The following PDE11A variants were observed in gnomAD, a reference collection of about 807,000 sequenced individuals.
PDE11A encodes the protein dual 3',5'-cyclic-AMP and -GMP phosphodiesterase 11A.
A neutral mutation model predicts 100.5 loss-of-function variants in PDE11A; 100 were observed. The ratio of observed to expected loss-of-function variants is 1.00; its 90% CI spans 0.85 to 1.18. The LOEUF (loss-of-function observed/expected upper bound fraction) is 1.18. PDE11A is among the 50% of genes most tolerant of loss of function. The pLI is 0.00. For synonymous variants in PDE11A, 381 were observed against 420.8 expected (o/e 0.91, Z 1.16); for missense variants, 1,141 against 1,152.6 (o/e 0.99, Z 0.15).
chr2:178,082,554 C>G (rs182421492), intron 2 of PDE11A, among the ~76,000 whole-genome samples: 1 of 152,092 alleles, frequency 6.6e-6, no homozygotes, highest in Non-Finnish European at 1.5e-5. Context: ...GCAAAGGGAA[C>G]AGGAATTTAT....
chr2:178,054,045 A>G (rs924158930), intron 1 of PDE11A, among the ~76,000 whole-genome samples: 1 of 152,218 alleles, frequency 6.6e-6, no homozygotes, highest in Non-Finnish European at 1.5e-5. Flanking sequence ...AAGAGCCCGC[A>G]TCGCCAAGTC....
chr2:177,791,425 AT>A, intron 9 of PDE11A, among the ~76,000 whole-genome samples: 2 of 149,588 alleles, frequency 1.3e-5, no homozygotes, highest in Non-Finnish European at 3.0e-5. Context: ...ATTAGGAGAT[AT>A]ACCTAATGTT....
At chr2:177,918,263 G>A (rs770436157) in intron 2 of PDE11A, among the ~76,000 whole-genome samples, 11 of 152,186 alleles carry the variant, frequency 7.2e-5, no homozygotes, top group Admixed American at 1.3e-4. Context: ...TAAGATGCTA[G>A]CTTCAAAGCC....
intron 2 of PDE11A, among the ~76,000 whole-genome samples, chr2:178,007,276 C>T (rs2086223496): frequency 6.6e-6 from 1 of 152,252 alleles, no homozygotes; most frequent in South Asian, 2.1e-4. Context: ...CCTTCTAAAG[C>T]TATTACTGAA....
intron 9 of PDE11A, among the ~76,000 whole-genome samples, chr2:177,794,073 G>A (rs1228436945): frequency 6.6e-6 from 1 of 152,078 alleles, no homozygotes; most frequent in Non-Finnish European, 1.5e-5. Context: ...GGAGAGAGTG[G>A]AGTGAAATAA....
chr2:177,925,192 G>GT (rs2085109798), intron 2 of PDE11A, among the ~76,000 whole-genome samples: 1 of 150,864 alleles, frequency 6.6e-6, no homozygotes. Flanking sequence ...ATAAACATAC[G>GT]TGTGCATGTG....
intron 2 of PDE11A, among the ~76,000 whole-genome samples, chr2:177,941,586 G>C (rs2085346235): frequency 6.6e-6 from 1 of 152,168 alleles, no homozygotes; most frequent in African/African-American, 2.4e-5. Flanking sequence ...CTGGAATACA[G>C]AATGCTTCAC....
chr2:178,085,300 A>G (rs1371958191), intron 2 of PDE11A, among the ~76,000 whole-genome samples: 5 of 152,190 alleles, frequency 3.3e-5, no homozygotes, highest in African/African-American at 4.8e-5. Context: ...TTATACAGGG[A>G]TAAAATATTT....
At chr2:178,108,051 C>G (rs1228639174) in intron 1 of PDE11A, among the ~76,000 whole-genome samples, 2 of 152,130 alleles carry the variant, frequency 1.3e-5, no homozygotes, top group African/African-American at 4.8e-5. Context: ...ACTTGGCAAC[C>G]CTGTGTTGAA....
chr2:178,075,723 G>A (rs1177040186), upstream of PDE11A, among the ~76,000 whole-genome samples: 2 of 151,970 alleles, frequency 1.3e-5, no homozygotes, highest in African/African-American at 4.8e-5. Context: ...ATCCTCACTG[G>A]GCAAAGAGTA....
intron 12 of PDE11A, among the ~76,000 whole-genome samples, chr2:177,713,987 C>CTTTTCTTTTTTTTTT (rs2081395537): frequency 1.3e-5 from 1 of 77,370 alleles, no homozygotes; most frequent in Non-Finnish European, 2.2e-5. Context: ...TTTCTTTTTT[C>CTTTTCTTTTTTTTTT]TTTTTTTTTT....
At chr2:177,994,371 CAT>C (rs2086043658) in intron 2 of PDE11A, among the ~76,000 whole-genome samples, 1 of 152,194 alleles carries the variant, frequency 6.6e-6, no homozygotes, top group Non-Finnish European at 1.5e-5. Flanking sequence ...ACCAGACCCA[CAT>C]GTCTGTGTGT....
chr2:177,874,107 G>A (rs2084191547), intron 5 of PDE11A, among the ~76,000 whole-genome samples: 1 of 152,108 alleles, frequency 6.6e-6, no homozygotes, highest in East Asian at 1.9e-4. Flanking sequence ...TCAACAAGCA[G>A]ATTTTAAATG....
Position 178,106,934 on chromosome 2 carries a change from T to A in PDE11A, c.-14+1320A>T, listed in dbSNP as rs1479263090. On this transcript the variant is annotated intron_variant, in intron 1 of 20. Coordinates refer to the PDE11A transcript ENST00000358450. ...GAGATCGTGTCACTGCACTCCAGCC[T>A]GGGCGACAAAGCAAGACTCTCTCAA... Among the ~76,000 whole-genome samples, 3 of 121,976 alleles carry A rather than the reference T, an allele frequency of 2.5e-5. No individual in the cohort carries two copies. The Admixed American group carries it at 3.2e-4, about 13-fold the overall frequency. 80.0% of individuals were successfully genotyped at this position (121,976 alleles called of 152,430 possible).
At chr2:178,103,185 G>GT (rs1283981040) in intron 2 of PDE11A, among the ~76,000 whole-genome samples, 1 of 49,730 alleles carries the variant, frequency 2.0e-5, no homozygotes, top group East Asian at 3.6e-4. Context: ...ATTTCCAGTG[G>GT]GGGGGGAAGG....
At chr2:177,893,330 G>A (rs895561539) in intron 4 of PDE11A, among the ~76,000 whole-genome samples, 9 of 152,054 alleles carry the variant, frequency 5.9e-5, no homozygotes, top group African/African-American at 1.9e-4. Flanking sequence ...CGGAGGTGTT[G>A]TTTCACTATT....
intron 2 of PDE11A, chr2:177,997,979 G>T: frequency 8.3e-7 from 1 of 1,197,706 alleles, no homozygotes; most frequent in Non-Finnish European, 1.2e-6. Context: ...GGGAGAACCT[G>T]CTCACAGAAA....
At chr2:177,984,173 A>C (rs1372219260) in intron 2 of PDE11A, among the ~76,000 whole-genome samples, 1 of 152,214 alleles carries the variant, frequency 6.6e-6, no homozygotes, top group Non-Finnish European at 1.5e-5. Context: ...AAAGACCACT[A>C]TAATTTGAAA....
At chr2:178,029,187 T>C (rs1003118176) in intron 1 of PDE11A, among the ~76,000 whole-genome samples, 1 of 152,194 alleles carries the variant, frequency 6.6e-6, no homozygotes, top group South Asian at 2.1e-4. Context: ...ATATAATTAG[T>C]TCCATGATTG....
Sources: allele counts gnomAD v4.1 joint callset (sites outside exome capture counted in the v4.1 genomes callset), GRCh38; gene constraint gnomAD v4.1.1; transcripts MANE v1.5; gene names NCBI Gene and HGNC (gene_info 2026-07-23, HGNC 2026-07-21).